ZNF180: variants seen among roughly 807,000 people sequenced by gnomAD.
The protein encoded by ZNF180 is zinc finger protein 180 (HHZ168).
ZNF180 carries 11 observed loss-of-function variants against 11.8 expected under a neutral mutation model. The observed-to-expected ratio is 0.93, with a 90% CI of 0.59 to 1.55. ZNF180 has a LOEUF of 1.55. Among genes scored for constraint, ZNF180 ranks in the 40% most tolerant of loss-of-function variants. ZNF180 has a pLI of 0.00. For synonymous variants in ZNF180, 287 were observed against 257.7 expected (o/e 1.11, Z -1.09); for missense variants, 773 against 781.7 (o/e 0.99, Z 0.13).
intron 2 of ZNF180, among the ~76,000 whole-genome samples, 191 bp downstream of exon 2, chr19:44,497,093 G>T (rs1479326686): frequency 6.6e-6 from 1 of 152,198 alleles, no homozygotes. Context: ...TCCAGAAAGA[G>T]TTATCTGGGC....
chr19:44,493,103 T>C (rs1257373627), intron 2 of ZNF180, among the ~76,000 whole-genome samples: 8 of 152,216 alleles, frequency 5.3e-5, no homozygotes, highest in Non-Finnish European at 1.2e-4. Flanking sequence ...TTCCCTCTCC[T>C]GCCCCACCTT....
In ZNF180 at chr19:44,476,302, T is replaced by C. The variant is rs1228114947; in HGVS notation, c.*100A>G. On this transcript the variant is annotated 3_prime_UTR_variant, in exon 5 of 5. Transcript: ENST00000592529. ...AGAGGGCTGGAAGTTTTCCCACATATATTGTTTTTATAGTAGTTCTTCCAA... is the reference window on the plus strand; with the variant it reads ...AGAGGGCTGGAAGTTTTCCCACATACATTGTTTTTATAGTAGTTCTTCCAA... The C allele has an allele frequency of 3.5e-6, 4 of 1,154,472 alleles. No individual in the cohort carries two copies. Among genetic ancestry groups the C allele is most frequent in the East Asian group, 2.6e-5 (1 of 38,662 alleles). 71.5% of individuals were successfully genotyped at this position (1,154,472 alleles called of 1,614,324 possible).
intron 3 of ZNF180, among the ~76,000 whole-genome samples, chr19:44,482,595 C>T (rs1970112487): frequency 6.6e-6 from 1 of 151,922 alleles, no homozygotes. Flanking sequence ...AAGATTCATA[C>T]TTGGGATTTA....
chr19:44,494,651 T>C lies in ZNF180; in HGVS notation c.51+2633A>G, dbSNP rs567406218. Among the ~76,000 whole-genome samples, 3 of 152,290 alleles carry C rather than the reference T, an allele frequency of 2.0e-5. No individual in the cohort carries two copies. The East Asian group carries it at 5.8e-4, about 29-fold the overall frequency. The stretch of plus-strand genomic sequence containing the variant: ...GGTGTGCCATGTACTCCAGACTGGG[T>C]GACAGAGTGAGACCCTGTCTCTTAA... On this transcript the variant is annotated intron_variant, in intron 2 of 4. Coordinates refer to ENST00000592529, the MANE Select transcript of ZNF180 (RefSeq NM_001278509.3).
chr19:44,497,537 T>TA (rs1568438793), intron 1 of ZNF180, among the ~76,000 whole-genome samples, 160 bp from the exon 2 acceptor site: 1 of 152,144 alleles, frequency 6.6e-6, no homozygotes, highest in African/African-American at 2.4e-5. Flanking sequence ...CCTGTGTATG[T>TA]ACTGAGAGTC....
At position 44,476,368 on chromosome 19, in the gene ZNF180, A is replaced by T. The variant is rs1969868898; in HGVS notation, c.*34T>A. 1.3e-6 allele frequency: 2 copies of T among 1,515,682 alleles called. No individual in the cohort carries two copies. Among genetic ancestry groups the T allele is most frequent in the African/African-American group, 2.8e-5 (2 of 71,630 alleles). 93.9% of individuals were successfully genotyped at this position (1,515,682 alleles called of 1,614,324 possible). A position where few individuals can be genotyped will look rare whatever the true frequency, so the allele number is the denominator to read the frequency against. On this transcript the variant is annotated 3_prime_UTR_variant, in exon 5 of 5. Coordinates refer to ENST00000592529, the MANE Select transcript of ZNF180 (RefSeq NM_001278509.3). ...TAAAATAAATTTTTTAAAAGAATGA[A>T]ATAAAAAGGAAGAAATCCCAGCTGA... is the stretch of plus-strand genomic sequence containing the variant.
At position 44,492,185 on chromosome 19, in the gene ZNF180, T is replaced by C. The variant is rs75661580; in HGVS notation, c.51+5099A>G. On this transcript the variant is annotated intron_variant, in intron 2 of 4. Coordinates refer to ENST00000592529, the MANE Select transcript of ZNF180 (RefSeq NM_001278509.3). ...CATATTACTACCATTTCTATATACC[T>C]CTCCCCTGGGTCCTGGGTTCTATAT... 5.2e-3 allele frequency among the ~76,000 whole-genome samples: 793 copies of C among 152,264 alleles called. 21 individuals are homozygous for C. Among genetic ancestry groups the C allele is most frequent in the East Asian group, 0.05 (258 of 5,172 alleles).
In ZNF180 at chr19:44,477,845, G is replaced by A. The variant is rs1160328198; in HGVS notation, c.555C>T (p.Pro185=). Residue 185 remains proline, a synonymous_variant, in exon 5 of 5, where the codon CCC becomes CCT. Coordinates refer to ENST00000592529, the MANE Select transcript of ZNF180 (RefSeq NM_001278509.3). Reference sequence around the variant, plus strand: ...CATGTTTATGAAAATGGTTTCTTATGGGTATAACTGGGGATGAAAATAGAC... The same window carrying A: ...CATGTTTATGAAAATGGTTTCTTATAGGTATAACTGGGGATGAAAATAGAC... ...NSSLFSSPVI[P]IRNHFHKHVS... The A allele has an allele frequency of 3.1e-6, 5 of 1,613,736 alleles. No individual in the cohort carries two copies. The highest frequency in any genetic ancestry group is 4.2e-6 in the Non-Finnish European group (5 of 1,179,982).
Position 44,476,655 on chromosome 19 carries a change from T to C in ZNF180, c.1745A>G (p.Gln582Arg). 2 of 1,614,202 alleles carry C rather than the reference T, an allele frequency of 1.2e-6. No homozygotes were observed. Among genetic ancestry groups the C allele is most frequent in the African/African-American group, 1.3e-5 (1 of 75,072 alleles). Residue 582 changes from glutamine (Q) to arginine (R), a missense_variant, in exon 5 of 5, where the codon CAA (glutamine) becomes CGA (arginine). Transcript: ENST00000592529. ...HTGEKPYECSQCGKSFRQSSC... is the reference protein window; with the variant it reads ...HTGEKPYECSRCGKSFRQSSC... The stretch of plus-strand genomic sequence containing the variant: ...ACTCTGTCTGAAGGACTTCCCACAT[T>C]GACTGCATTCATAGGGCTTTTCTCC...
intron 3 of ZNF180, 111 bp from the exon 4 acceptor site, chr19:44,479,520 T>C: frequency 6.9e-7 from 1 of 1,458,738 alleles, no homozygotes; most frequent in Non-Finnish European, 9.4e-7. Flanking sequence ...CTGGGAGTTG[T>C]CCTTAAATTG....
chr19:44,481,906 C>G (rs1970090418), intron 3 of ZNF180, among the ~76,000 whole-genome samples: 1 of 152,234 alleles, frequency 6.6e-6, no homozygotes. Context: ...ACTAGCTTTT[C>G]TGGACTTCTA....
At chr19:44,483,706 T>C (rs1970141979) in intron 3 of ZNF180, among the ~76,000 whole-genome samples, 1 of 152,208 alleles carries the variant, frequency 6.6e-6, no homozygotes, top group African/African-American at 2.4e-5. Flanking sequence ...TAAATCCTTC[T>C]CCTCATATAG....
At chr19:44,489,711 C>T (rs1157303740) in intron 2 of ZNF180, among the ~76,000 whole-genome samples, 20 of 128,588 alleles carry the variant, frequency 1.6e-4, no homozygotes, top group African/African-American at 2.4e-4. Flanking sequence ...TCCCCCTCTG[C>T]GAGAAACACC....
rs1969843246 is a variant in ZNF180, at chr19:44,475,622, G to A, written c.*780C>T. 6.6e-6 allele frequency: 1 copy of A among 152,138 alleles called. No individual in the cohort carries two copies. The highest frequency in any genetic ancestry group is 1.5e-5 in the Non-Finnish European group (1 of 68,026). The allele number at this position is 152,138 out of a possible 1,614,324, so 9.4% of individuals were successfully genotyped here. On this transcript the variant is annotated 3_prime_UTR_variant, in exon 5 of 5. Coordinates refer to ENST00000592529, the MANE Select transcript of ZNF180 (RefSeq NM_001278509.3). The stretch of plus-strand genomic sequence containing the variant: ...AGTCTTTCCTAAATAGTCAAAGAAG[G>A]AAATCTTTGTATTTCATTTTTGGCT...
Position 44,495,941 on chromosome 19 carries a change from G to C in ZNF180, c.51+1343C>G, listed in dbSNP as rs142978655. ...TTCAAGGCTGACTTGTTCAGGAAGA[G>C]AAAGGAGAAGCTCTAATTTAACAGT... On this transcript the variant is annotated intron_variant, in intron 2 of 4. Coordinates refer to ENST00000592529, the MANE Select transcript of ZNF180 (RefSeq NM_001278509.3). The surrounding 1 kb of genome is among the most constrained non-coding windows in gnomAD (Gnocchi z 4.5). Among the ~76,000 whole-genome samples, 1,063 of 152,306 alleles carry C rather than the reference G, an allele frequency of 7.0e-3. 14 individuals are homozygous for C. Among genetic ancestry groups the C allele is most frequent in the African/African-American group, 0.023 (944 of 41,556 alleles).
intron 2 of ZNF180, among the ~76,000 whole-genome samples, chr19:44,490,977 ATTC>A (rs1386949874): frequency 6.6e-6 from 1 of 152,186 alleles, no homozygotes; most frequent in Non-Finnish European, 1.5e-5. Flanking sequence ...CATCACATAT[ATTC>A]TTCTACCTTT....
intron 2 of ZNF180, among the ~76,000 whole-genome samples, chr19:44,489,364 A>G (rs931654844): frequency 1.4e-4 from 20 of 143,622 alleles, no homozygotes; most frequent in Non-Finnish European, 2.8e-4. Flanking sequence ...AGAAGTAGAC[A>G]TGGGAGACTT....
chr19:44,491,095 A>G (rs985002953), intron 2 of ZNF180, among the ~76,000 whole-genome samples: 3 of 152,238 alleles, frequency 2.0e-5, no homozygotes, highest in Non-Finnish European at 4.4e-5. Context: ...ACTGACACAT[A>G]GCAGGCTCTT....
chr19:44,494,733 A>C lies in ZNF180; in HGVS notation c.51+2551T>G, dbSNP rs374111533. ...TTACCTGTAGTTTTGATAAAGATAT[A>C]AATGTAAACTTATATTTGCTTAACT... On this transcript the variant is annotated intron_variant, in intron 2 of 4. Transcript: ENST00000592529. 4.6e-5 allele frequency among the ~76,000 whole-genome samples: 7 copies of C among 152,316 alleles called. No homozygotes were observed. In the South Asian group the frequency reaches 1.4e-3, roughly 32 times the overall value.
Sources: gnomAD v4.1 joint callset for allele counts (sites outside exome capture counted in the v4.1 genomes callset) on GRCh38, gnomAD v4.1.1 for gene constraint, Gnocchi (gnomAD v3.1) non-coding constraint, MANE v1.5 for transcripts, NCBI Gene and HGNC (gene_info 2026-07-23, HGNC 2026-07-21) for gene names.